Variants in POU2F2 observed in about 807,000 individuals in gnomAD.
The protein encoded by POU2F2 is POU domain, class 2, transcription factor 2.
POU2F2 carries 14 observed loss-of-function variants against 63.5 expected under a neutral mutation model. The ratio of observed to expected loss-of-function variants is 0.22; its 90% CI spans 0.15 to 0.34. The LOEUF is 0.34. Among genes scored for constraint, POU2F2 ranks in the 10% least tolerant of loss-of-function variants. The pLI, the probability that POU2F2 is intolerant of heterozygous loss-of-function variation, is 1.00. For missense variants in POU2F2, 607 were observed against 815.2 expected (o/e 0.74, Z 3.11); for synonymous variants, 306 against 348.6 (o/e 0.88, Z 1.36).
At chr19:42,163,226 G>A (rs535814180) in intron 1 of POU2F2, among the ~76,000 whole-genome samples, 36 of 152,250 alleles carry the variant, frequency 2.4e-4, no homozygotes, top group African/African-American at 8.4e-4. Context: ...TGGGGCTCCC[G>A]GTTCTGGGGT....
intron 2 of POU2F2, among the ~76,000 whole-genome samples, chr19:42,142,532 G>GGGGGTTT (rs2034149150): frequency 6.7e-6 from 1 of 150,118 alleles, no homozygotes; most frequent in Admixed American, 6.6e-5. Context: ...GTTTTTTGGT[G>GGGGGTTT]GGGGTTTGGG....
chr19:42,095,657 T>C lies in POU2F2; in HGVS notation c.908A>G (p.Asn303Ser). The C allele has an allele frequency of 1.2e-6, 2 of 1,612,652 alleles. No individual in the cohort carries two copies. Among genetic ancestry groups the C allele is most frequent in the African/African-American group, 2.7e-5 (2 of 74,884 alleles). Residue 303 changes from asparagine (N) to serine (S), a missense_variant, in exon 10 of 15, where the codon AAC becomes AGC. Physicochemically the swap from Asn to Ser is conservative, Grantham distance 46. Transcript: ENST00000692977. This position sits in a 1 kb window ranked among gnomAD's most constrained non-coding sequence, Gnocchi z 7.1. ...MSVDSSLPSP[N>S]QLSSPSLGFD... ...ACCCAGGCTGGGGCTGCTCAGCTGG[T>C]TGGGGCTGGGCAGGCTTGAGTCCAC...
chr19:42,128,575 T>G (rs1162743772), intron 1 of POU2F2, among the ~76,000 whole-genome samples: 3 of 152,176 alleles, frequency 2.0e-5, no homozygotes, highest in Non-Finnish European at 4.4e-5. Flanking sequence ...CCACCAGGAA[T>G]GAACAGGGAG....
At chr19:42,163,296 G>C (rs1390749298) in intron 1 of POU2F2, among the ~76,000 whole-genome samples, 1 of 152,070 alleles carries the variant, frequency 6.6e-6, no homozygotes, top group African/African-American at 2.4e-5. Flanking sequence ...AAGAACAGGA[G>C]GGAGTGTGTG....
rs113185345 is a variant in POU2F2, at chr19:42,093,534, G to T, written c.1264+295C>A. On this transcript the variant is annotated intron_variant, in intron 12 of 14. Transcript: ENST00000692977. ...TGAGGCTTAGAAGGATAAAATAAGT[G>T]CTTGAATTCACACAGCTTAAAAATG... 3.5e-5 allele frequency: 12 copies of T among 347,018 alleles called. No homozygotes were observed. In the South Asian group the frequency reaches 8.9e-4, roughly 26 times the overall value. 21.5% of individuals were successfully genotyped at this position (347,018 alleles called of 1,614,324 possible). A position where few individuals can be genotyped will look rare whatever the true frequency, so the allele number is the denominator to read the frequency against.
At chr19:42,173,749 C>G (rs905464890) in intron 1 of POU2F2, among the ~76,000 whole-genome samples, 1 of 152,046 alleles carries the variant, frequency 6.6e-6, no homozygotes, top group African/African-American at 2.4e-5. Context: ...TGAGCGCAAC[C>G]AAGACCCCCA....
chr19:42,111,166 G>A (rs1489820436), intron 5 of POU2F2, among the ~76,000 whole-genome samples: 1 of 151,964 alleles, frequency 6.6e-6, no homozygotes, highest in Non-Finnish European at 1.5e-5. Flanking sequence ...CTTCTGGGCT[G>A]GAGTGTCATG....
chr19:42,110,520 C>T lies in POU2F2; in HGVS notation c.369+6730G>A, dbSNP rs186731875. 414 of 190,724 alleles carry T rather than the reference C, an allele frequency of 2.2e-3. 2 individuals carry two copies. Among genetic ancestry groups the T allele is most frequent in the Admixed American group, 5.7e-3 (98 of 17,066 alleles). The allele number at this position is 190,724 out of a possible 1,614,324, so 11.8% of individuals were successfully genotyped here. A position where few individuals can be genotyped will look rare whatever the true frequency, so the allele number is the denominator to read the frequency against. On this transcript the variant is annotated intron_variant, in intron 5 of 14. Coordinates refer to ENST00000692977, the MANE Select transcript of POU2F2 (RefSeq NM_001394376.1). ...AAGGGTCCCTTCCAGCTTGGAAACT[C>T]GGGGGTTTGAGCCTTAGCCCTCTCA...
intron 2 of POU2F2, among the ~76,000 whole-genome samples, chr19:42,150,641 T>A (rs1424765167): frequency 1.4e-5 from 2 of 138,980 alleles, no homozygotes; most frequent in Non-Finnish European, 3.2e-5. Flanking sequence ...CCCTCCCCCC[T>A]GCACCCCCCT....
intron 2 of POU2F2, among the ~76,000 whole-genome samples, chr19:42,144,233 A>G (rs1209872132): frequency 6.6e-6 from 1 of 152,252 alleles, no homozygotes; most frequent in Non-Finnish European, 1.5e-5. Context: ...GATAATAATC[A>G]TACTAGCCTG....
chr19:42,153,782 T>C lies in POU2F2; in HGVS notation c.-9+6550A>G, dbSNP rs570866435. The stretch of plus-strand genomic sequence containing the variant: ...GTGACTTGGTGTAGACGGCACGGTG[T>C]ATGTGTGTAGAGGCTACAACCCTGA... On this transcript the variant is annotated intron_variant, in intron 2 of 6. Coordinates refer to the POU2F2 transcript ENST00000524801. This position sits in a 1 kb window ranked among gnomAD's most constrained non-coding sequence, Gnocchi z 5.6. Among the ~76,000 whole-genome samples, 201 of 152,128 alleles carry C rather than the reference T, an allele frequency of 1.3e-3. No individual in the cohort carries two copies. Among genetic ancestry groups the C allele is most frequent in the African/African-American group, 4.5e-3 (188 of 41,474 alleles).
At chr19:42,190,464 C>T (rs1013257863) in intron 1 of POU2F2, among the ~76,000 whole-genome samples, 2 of 152,082 alleles carry the variant, frequency 1.3e-5, no homozygotes, top group Middle Eastern at 6.8e-3. Context: ...GTTTGAGTGA[C>T]ACCTATATGT....
At chr19:42,159,474 G>A (rs1045792708) in intron 2 of POU2F2, among the ~76,000 whole-genome samples, 45 of 152,248 alleles carry the variant, frequency 3.0e-4, no homozygotes, top group Admixed American at 2.6e-3. Flanking sequence ...CCTGAGACCT[G>A]TGGGTTAAGC....
rs1247575096 is a variant in POU2F2, at chr19:42,155,686, C to T, written c.-9+4646G>A. On this transcript the variant is annotated intron_variant, in intron 2 of 6. Transcript: ENST00000524801. The surrounding 1 kb of genome is among the most constrained non-coding windows in gnomAD (Gnocchi z 4.2). The stretch of plus-strand genomic sequence containing the variant: ...CCTTTTATCCTCCTCTCTTTCCTAC[C>T]CCACCTCACACCCACCCCAGGCCGG... 2.0e-5 allele frequency: 3 copies of T among 152,242 alleles called. No individual in the cohort carries two copies. The East Asian group carries it at 5.8e-4, about 29-fold the overall frequency. 9.4% of individuals were successfully genotyped at this position (152,242 alleles called of 1,614,324 possible).
intron 1 of POU2F2, 119 bp downstream of exon 1, chr19:42,132,265 G>A: frequency 8.6e-7 from 1 of 1,161,278 alleles, no homozygotes; most frequent in Non-Finnish European, 1.2e-6. Context: ...GGAGTTGCTA[G>A]AGTACAGAGG....
intron 1 of POU2F2, among the ~76,000 whole-genome samples, chr19:42,129,047 G>A (rs147496044): frequency 5.9e-4 from 90 of 152,100 alleles, no homozygotes; most frequent in African/African-American, 2.0e-3. Flanking sequence ...TGGGCAGGCT[G>A]GTCTCGAACT....
intron 5 of POU2F2, among the ~76,000 whole-genome samples, chr19:42,103,634 T>C (rs964789253): frequency 1.4e-5 from 2 of 138,400 alleles, no homozygotes; most frequent in African/African-American, 5.4e-5. Flanking sequence ...TTTCTTTTTT[T>C]TTTTTTTTTT....
chr19:42,097,630 C>T (rs1034314437), intron 7 of POU2F2, among the ~76,000 whole-genome samples: 7 of 151,608 alleles, frequency 4.6e-5, no homozygotes, highest in Non-Finnish European at 8.8e-5. Flanking sequence ...GGCAACATGG[C>T]GAAACCCTAT....
intron 3 of POU2F2, 35 bp downstream of exon 3, chr19:42,122,309 T>TACCCCC: frequency 2.0e-6 from 3 of 1,464,130 alleles, no homozygotes; most frequent in Non-Finnish European, 1.9e-6. Context: ...CCCCATTCCT[T>TACCCCC]CCCACCCCCT....
Sources: gnomAD v4.1 joint callset for allele counts (sites outside exome capture counted in the v4.1 genomes callset) on GRCh38, gnomAD v4.1.1 for gene constraint, Gnocchi (gnomAD v3.1) non-coding constraint, MANE v1.5 for transcripts, NCBI Gene and HGNC (gene_info 2026-07-23, HGNC 2026-07-21) for gene names.